Variants in OSBPL9 observed in about 807,000 individuals in gnomAD.
The protein encoded by OSBPL9 is oxysterol-binding protein-related protein 9.
OSBPL9 carries 40 observed loss-of-function variants against 106.6 expected under a neutral mutation model. That is an observed-to-expected ratio of 0.38 (90% CI 0.29 to 0.49). The LOEUF (loss-of-function observed/expected upper bound fraction) is 0.49, where lower values mean the gene tolerates loss of function less well. Among genes scored for constraint, OSBPL9 ranks in the 20% least tolerant of loss-of-function variants. OSBPL9 has a pLI of 0.97. For missense variants in OSBPL9, 609 were observed against 887.2 expected (o/e 0.69, Z 3.98); for synonymous variants, 269 against 295.4 (o/e 0.91, Z 0.92).
At chr1:51,669,700 G>T in intron 3 of OSBPL9, 188 bp downstream of exon 3, 157 of 551,710 alleles carry the variant, frequency 2.8e-4, no homozygotes, top group Non-Finnish European at 3.1e-4. Flanking sequence ...GATGTAGATC[G>T]ATTTGAAACG....
In OSBPL9 at chr1:51,679,143, A is replaced by G. The variant is rs1651960104; in HGVS notation, c.241+9631A>G. 3.9e-5 allele frequency among the ~76,000 whole-genome samples: 6 copies of G among 152,286 alleles called. No individual in the cohort carries two copies. The South Asian group carries it at 1.0e-3, about 26-fold the overall frequency. ...AATTCGTGTATTGGGAGTTTGTTGTATTATTGAGGAGGGTCGGACTTCACT... is the reference window on the plus strand; with the variant it reads ...AATTCGTGTATTGGGAGTTTGTTGTGTTATTGAGGAGGGTCGGACTTCACT... On this transcript the variant is annotated intron_variant, in intron 3 of 23. Coordinates refer to ENST00000428468, the MANE Select transcript of OSBPL9 (RefSeq NM_024586.6).
chr1:51,696,177 C>T (rs186702427), intron 3 of OSBPL9, among the ~76,000 whole-genome samples: 4 of 152,266 alleles, frequency 2.6e-5, no homozygotes, highest in African/African-American at 9.6e-5. Flanking sequence ...CAGCTGCTCT[C>T]ACCATGAGCA....
upstream of OSBPL9, among the ~76,000 whole-genome samples, chr1:51,574,281 A>G (rs146105393): frequency 5.9e-5 from 9 of 152,238 alleles, no homozygotes; most frequent in East Asian, 1.5e-3. Context: ...ACCCTCCTCC[A>G]TGACAATTAA....
intron 1 of OSBPL9, among the ~76,000 whole-genome samples, chr1:51,593,257 C>T (rs1645285376): frequency 6.6e-6 from 1 of 152,240 alleles, no homozygotes; most frequent in South Asian, 2.1e-4. Context: ...ATTACAATAG[C>T]CTCCTGGATG....
intron 3 of OSBPL9, among the ~76,000 whole-genome samples, chr1:51,701,178 G>A (rs1657149684): frequency 6.6e-6 from 1 of 152,158 alleles, no homozygotes; most frequent in African/African-American, 2.4e-5. Flanking sequence ...GACCTCAGGT[G>A]ATCCACCCGC....
chr1:51,781,996 A>G (rs533813260), intron 16 of OSBPL9, among the ~76,000 whole-genome samples: 1 of 152,290 alleles, frequency 6.6e-6, no homozygotes, highest in East Asian at 1.9e-4. Flanking sequence ...GTGTATTTAG[A>G]TGACATTTTA....
At chr1:51,771,643 T>A (rs1315319118) in intron 12 of OSBPL9, among the ~76,000 whole-genome samples, 1 of 152,208 alleles carries the variant, frequency 6.6e-6, no homozygotes, top group African/African-American at 2.4e-5. Context: ...TTTTTTTATT[T>A]TATAATTTCA....
At chr1:51,649,977 C>G (rs1307676017) in intron 1 of OSBPL9, among the ~76,000 whole-genome samples, 1 of 151,950 alleles carries the variant, frequency 6.6e-6, no homozygotes, top group Non-Finnish European at 1.5e-5. Context: ...TTGGCTCAAG[C>G]AGTCCTCCCA....
At chr1:51,687,959 G>A (rs1654175990) in intron 3 of OSBPL9, among the ~76,000 whole-genome samples, 1 of 152,218 alleles carries the variant, frequency 6.6e-6, no homozygotes, top group African/African-American at 2.4e-5. Context: ...GATGGTGAAG[G>A]TTTGAACCAA....
At chr1:51,616,920 C>T (rs1164977523), upstream of OSBPL9, 3 of 988,992 alleles carry the variant, frequency 3.0e-6, no homozygotes, top group Non-Finnish European at 4.3e-6. Flanking sequence ...ATTCTCGCAT[C>T]CGTGGCATGG....
At chr1:51,708,363 G>A (rs903802298) in intron 3 of OSBPL9, among the ~76,000 whole-genome samples, 1 of 150,246 alleles carries the variant, frequency 6.7e-6, no homozygotes, top group African/African-American at 2.5e-5. Flanking sequence ...TTGTTTTAGG[G>A]TCCAATATTT....
chr1:51,770,441 C>A (rs1332646050), intron 12 of OSBPL9, among the ~76,000 whole-genome samples: 1 of 152,018 alleles, frequency 6.6e-6, no homozygotes, highest in African/African-American at 2.4e-5. Flanking sequence ...CCATGCCCAG[C>A]CTAATTTTTT....
At position 51,649,250 on chromosome 1, in the gene OSBPL9, G is replaced by A. The variant is rs370010716; in HGVS notation, c.112-2741G>A. 4.7e-4 allele frequency among the ~76,000 whole-genome samples: 71 copies of A among 152,260 alleles called. 3 individuals are homozygous for A. The South Asian group carries it at 0.012, about 25-fold the overall frequency. On this transcript the variant is annotated intron_variant, in intron 1 of 23. Coordinates refer to ENST00000428468, the MANE Select transcript of OSBPL9 (RefSeq NM_024586.6). Reference sequence around the variant, plus strand: ...GCCTCCCAAGTAGCTGGGATTACAGGTGTGCACCACCATGCCCAGCTAATT... The same window carrying A: ...GCCTCCCAAGTAGCTGGGATTACAGATGTGCACCACCATGCCCAGCTAATT...
intron 12 of OSBPL9, among the ~76,000 whole-genome samples, chr1:51,768,245 T>C (rs548240022): frequency 1.2e-4 from 18 of 146,178 alleles, no homozygotes; most frequent in African/African-American, 4.3e-4. Flanking sequence ...CCAGCCTTTT[T>C]TGAGACGGAG....
chr1:51,770,763 G>A (rs1389301199), intron 12 of OSBPL9, among the ~76,000 whole-genome samples: 1 of 152,048 alleles, frequency 6.6e-6, no homozygotes, highest in Non-Finnish European at 1.5e-5. Context: ...AGTAACCAGG[G>A]CAAACTAGAA....
chr1:51,526,611 T>C, the OSBPL9 span, among the ~76,000 whole-genome samples: 2 of 152,130 alleles, frequency 1.3e-5, no homozygotes, highest in South Asian at 2.1e-4. Flanking sequence ...GTCCCAAAAA[T>C]AGCTCAAGAG....
the OSBPL9 span, among the ~76,000 whole-genome samples, chr1:51,553,356 T>TA: frequency 2.0e-5 from 3 of 151,296 alleles, no homozygotes; most frequent in African/African-American, 2.4e-5. Flanking sequence ...ACAAAAACGT[T>TA]AAAAAAAATT....
intron 2 of OSBPL9, among the ~76,000 whole-genome samples, chr1:51,661,428 C>T (rs1570886844): frequency 6.6e-6 from 1 of 151,972 alleles, no homozygotes; most frequent in Admixed American, 6.6e-5. Context: ...AGAAAAAAAA[C>T]GAAAAGAGAG....
intron 14 of OSBPL9, among the ~76,000 whole-genome samples, chr1:51,775,087 C>T (rs1264378608): frequency 6.6e-6 from 1 of 151,928 alleles, no homozygotes; most frequent in Non-Finnish European, 1.5e-5. Context: ...AGAAGTTGTA[C>T]CAAGGCAGTA....
Sources: gnomAD v4.1 joint callset for allele counts (sites outside exome capture counted in the v4.1 genomes callset) on GRCh38, gnomAD v4.1.1 for gene constraint, MANE v1.5 for transcripts, NCBI Gene and HGNC (gene_info 2026-07-23, HGNC 2026-07-21) for gene names.